The following ZC3H12A variants were observed in gnomAD, a reference collection of about 807,000 sequenced individuals.
ZC3H12A encodes zinc finger CCCH-type containing 12A, also known as endoribonuclease ZC3H12A.
In ZC3H12A, 9 loss-of-function variants were observed where a neutral mutation model predicts 29.9. The ratio of observed to expected loss-of-function variants is 0.30; its 90% CI spans 0.18 to 0.53. The LOEUF (loss-of-function observed/expected upper bound fraction) is 0.53. Among genes scored for constraint, ZC3H12A ranks in the 20% least tolerant of loss-of-function variants. ZC3H12A has a pLI of 0.96. For missense variants in ZC3H12A, 617 were observed against 799.0 expected (o/e 0.77, Z 2.75); for synonymous variants, 323 against 338.1 (o/e 0.96, Z 0.49).
Position 37,478,629 on chromosome 1 carries a change from T to TAGTG in ZC3H12A, c.444-1659_444-1656dup, listed in dbSNP as rs1348360031. On this transcript the variant is annotated intron_variant, in intron 2 of 5. Coordinates refer to ENST00000373087, the MANE Select transcript of ZC3H12A (RefSeq NM_025079.3). This position sits in a 1 kb window ranked among gnomAD's most constrained non-coding sequence, Gnocchi z 5.2. ...CCTGCCTGAGCATTGACGTACAGGG[T>TAGTG]AGTGATAAGCATAGGCCCTGGGCTT... Among the ~76,000 whole-genome samples, 1 of 152,138 alleles carries TAGTG rather than the reference T, an allele frequency of 6.6e-6. No individual in the cohort carries two copies. The highest frequency in any genetic ancestry group is 2.4e-5 in the African/African-American group (1 of 41,430).
chr1:37,480,458 T>A, intron 3 of ZC3H12A, 29 bp downstream of exon 3: 1 of 1,600,492 alleles, frequency 6.2e-7, no homozygotes. Context: ...GGTGGGATGG[T>A]CTTACTGCCC....
chr1:37,482,285 T>A (rs770064618), intron 4 of ZC3H12A, 149 bp from the exon 5 acceptor site: 1 of 659,684 alleles, frequency 1.5e-6, no homozygotes, highest in Non-Finnish European at 2.6e-6. Flanking sequence ...ATCCCACCCA[T>A]AGAGCAGTTT....
chr1:37,481,486 C>G (rs946373002), intron 3 of ZC3H12A, 115 bp from the exon 4 acceptor site: 1 of 971,532 alleles, frequency 1.0e-6, no homozygotes, highest in African/African-American at 1.6e-5. Context: ...GTTCTTGCCC[C>G]GGTGACCTTG....
rs753279374 is a variant in ZC3H12A at position 37,483,172 on chromosome 1, G to C, written c.1361G>C (p.Arg454Pro). ...ESQMSELWGV[R>P]GGGPGEPGPP... ...CAGATGTCGGAACTTTGGGGGGTTC[G>C]AGGAGGAGGCCCTGGTGAGCCGGGC... The change falls in exon 6 of 6, where the codon CGA becomes CCA. Residue 454 changes from arginine (R) to proline (P), a missense_variant. Physicochemically the swap from Arg to Pro is moderately radical, Grantham distance 103. This residue lies in a region of ZC3H12A where 172 missense variants were observed against 203.1 expected (regional missense o/e 0.85). Coordinates refer to ENST00000373087, the MANE Select transcript of ZC3H12A (RefSeq NM_025079.3). 1.9e-6 allele frequency: 3 copies of C among 1,613,348 alleles called. No individual in the cohort carries two copies. Among genetic ancestry groups the C allele is most frequent in the Non-Finnish European group, 2.5e-6 (3 of 1,179,914 alleles).
At position 37,479,610 on chromosome 1, in the gene ZC3H12A, GA is replaced by G. The variant is rs371699838; in HGVS notation, c.444-677del. 1.2e-3 allele frequency: 1,146 copies of G among 985,432 alleles called. 16 individuals carry two copies. In the African/African-American group the frequency reaches 0.019, roughly 16 times the overall value. The allele number at this position is 985,432 out of a possible 1,614,324, so 61.0% of individuals were successfully genotyped here. A position where few individuals can be genotyped will look rare whatever the true frequency, so the allele number is the denominator to read the frequency against. The stretch of plus-strand genomic sequence containing the variant: ...AGCAGTATCCTTTCACTTTCAGACT[GA>G]AAGGCTCCTGGGGAACTTGCTTCAC... On this transcript the variant is annotated intron_variant, in intron 2 of 5. Transcript: ENST00000373087. The surrounding 1 kb of genome is among the most constrained non-coding windows in gnomAD (Gnocchi z 4.5).
At position 37,481,744 on chromosome 1, in the gene ZC3H12A, A is replaced by G; in HGVS notation, c.727A>G (p.Asn243Asp). Residue 243 changes from asparagine (N) to aspartate (D), a missense_variant, in exon 4 of 6, where the codon AAC (asparagine) becomes GAC (aspartate). Coordinates refer to ENST00000373087, the MANE Select transcript of ZC3H12A (RefSeq NM_025079.3). ...CGAGTCTGACGGGATCGTGGTTTCC[A>G]ACGACACATACCGTGACCTCCAAGG... ...AYESDGIVVSNDTYRDLQGER... is the reference protein window; with the variant it reads ...AYESDGIVVSDDTYRDLQGER... 6.2e-7 allele frequency: 1 copy of G among 1,614,252 alleles called. No homozygotes were observed. The highest frequency in any genetic ancestry group is 8.5e-7 in the Non-Finnish European group (1 of 1,180,040).
At chr1:37,482,207 G>C (rs569564843) in intron 4 of ZC3H12A, 10 of 593,920 alleles carry the variant, frequency 1.7e-5, no homozygotes, top group East Asian at 2.8e-5. Context: ...CAGAGAGGGA[G>C]TTCCCCTAAA....
intron 5 of ZC3H12A, 43 bp from the exon 6 acceptor site, chr1:37,482,694 C>G: frequency 6.2e-7 from 1 of 1,612,562 alleles, no homozygotes; most frequent in Non-Finnish European, 8.5e-7. Context: ...ATCCCTGGTT[C>G]TGAAGTGCCC....
At position 37,475,561 on chromosome 1, in the gene ZC3H12A, T is replaced by A; in HGVS notation, c.65T>A (p.Phe22Tyr). The change falls in exon 2 of 6, where the codon TTT becomes TAT. Residue 22 changes from phenylalanine to tyrosine, a missense_variant. This residue lies in a region of ZC3H12A where 67 missense variants were observed against 56.2 expected (regional missense o/e 1.19). Coordinates refer to ENST00000373087, the MANE Select transcript of ZC3H12A (RefSeq NM_025079.3). This position sits in a 1 kb window ranked among gnomAD's most constrained non-coding sequence, Gnocchi z 5.2. Reference sequence around the variant, plus strand: ...AGCCCCACCATGAGTCTGTGGGAATTTGAGGACAGCCACAGCCGTCAGGGC... The same window carrying A: ...AGCCCCACCATGAGTCTGTGGGAATATGAGGACAGCCACAGCCGTCAGGGC... ...EASPTMSLWE[F>Y]EDSHSRQGTP... The A allele has an allele frequency of 6.2e-7, 1 of 1,613,698 alleles. No homozygotes were observed. Among genetic ancestry groups the A allele is most frequent in the South Asian group, 1.1e-5 (1 of 91,056 alleles).
intron 3 of ZC3H12A, 53 bp from the exon 4 acceptor site, chr1:37,481,548 C>A: frequency 6.3e-7 from 1 of 1,587,942 alleles, no homozygotes; most frequent in African/African-American, 1.4e-5. Context: ...GCCCTGTAGG[C>A]CTGGCTCTAG....
chr1:37,475,519 A>C lies in ZC3H12A; in HGVS notation c.23A>C (p.Lys8Thr). 6.2e-7 allele frequency: 1 copy of C among 1,610,942 alleles called. No homozygotes were observed. The highest frequency in any genetic ancestry group is 8.5e-7 in the Non-Finnish European group (1 of 1,178,662). The change falls in exon 2 of 6, where the codon AAG (lysine) becomes ACG (threonine). Residue 8 changes from lysine (K) to threonine (T), a missense_variant. By Grantham distance (78) the Lys-to-Thr change is moderately conservative. This residue lies in a region of ZC3H12A where 67 missense variants were observed against 56.2 expected (regional missense o/e 1.19). Transcript: ENST00000373087. The surrounding 1 kb of genome is among the most constrained non-coding windows in gnomAD (Gnocchi z 5.2). MSGPCGEKPVLEASPTMS... is the reference protein window; with the variant it reads MSGPCGETPVLEASPTMS... ...GCTATGAGTGGCCCCTGTGGAGAGA[A>C]GCCTGTCCTGGAAGCCAGCCCCACC...
At chr1:37,482,146 C>T (rs548040417) in intron 4 of ZC3H12A, among the ~76,000 whole-genome samples, 3 of 152,308 alleles carry the variant, frequency 2.0e-5, no homozygotes, top group Admixed American at 6.5e-5. Context: ...TGGCATCTCT[C>T]GAGCAGAGGC....
chr1:37,482,446 T>C lies in ZC3H12A; in HGVS notation c.831T>C (p.Pro277=). 6.2e-7 allele frequency: 1 copy of C among 1,613,376 alleles called. No individual in the cohort carries two copies. Reference sequence around the variant, plus strand: ...GCACCCTCTGCAGGTTTATGCCCCCTGATGACCCACTGGGCCGGCACGGGC... The same window carrying C: ...GCACCCTCTGCAGGTTTATGCCCCCCGATGACCCACTGGGCCGGCACGGGC... The part of the protein sequence containing the change: ...YSFVNDKFMP[P]DDPLGRHGPS... Residue 277 remains proline (P), a synonymous_variant, in exon 5 of 6, where the codon CCT becomes CCC. Transcript: ENST00000373087.
In ZC3H12A at chr1:37,478,860, C is replaced by T. The variant is rs1641643612; in HGVS notation, c.444-1430C>T. 1.3e-5 allele frequency: 13 copies of T among 985,296 alleles called. No homozygotes were observed. In the South Asian group the frequency reaches 5.2e-4, roughly 39 times the overall value. 61.0% of individuals were successfully genotyped at this position (985,296 alleles called of 1,614,324 possible). ...AATGGGAACTTTTATTATAAGCAGG[C>T]TGGCAGATGTGGCAGAGGGACCGGG... On this transcript the variant is annotated intron_variant, in intron 2 of 5. Transcript: ENST00000373087. The surrounding 1 kb of genome is among the most constrained non-coding windows in gnomAD (Gnocchi z 5.2).
Position 37,475,685 on chromosome 1 carries a change from G to A in ZC3H12A, c.189G>A (p.Thr63=), listed in dbSNP as rs776031528. 31 of 1,613,998 alleles carry A rather than the reference G, an allele frequency of 1.9e-5. 1 individual carries two copies. The Admixed American group carries it at 2.7e-4, about 14-fold the overall frequency. The change falls in exon 2 of 6, where the codon ACG becomes ACA. Residue 63 remains threonine, a synonymous_variant. Transcript: ENST00000373087. This position sits in a 1 kb window ranked among gnomAD's most constrained non-coding sequence, Gnocchi z 5.2. ...TCCGGAAGCTGGGCTATTCATCCAC[G>A]GAGATCCACAGCGTCCTGCAGAAGC... is the stretch of plus-strand genomic sequence containing the variant. ...DFFRKLGYSS[T]EIHSVLQKLG...
At position 37,483,267 on chromosome 1, in the gene ZC3H12A, G is replaced by A; in HGVS notation, c.1456G>A (p.Ala486Thr). ...SELPATAAFSAFGRAMGAGHF... is the reference protein window; with the variant it reads ...SELPATAAFSTFGRAMGAGHF... ...GCTCCCAGCCACCGCAGCCTTCTCT[G>A]CCTTTGGCCGGGCCATGGGTGCTGG... Residue 486 changes from alanine to threonine, a missense_variant, in exon 6 of 6, where the codon GCC (alanine) becomes ACC (threonine). Physicochemically the swap from Ala to Thr is moderately conservative, Grantham distance 58. This residue lies in a region of ZC3H12A where 172 missense variants were observed against 203.1 expected (regional missense o/e 0.85). Transcript: ENST00000373087. The A allele has an allele frequency of 6.2e-7, 1 of 1,614,036 alleles. No homozygotes were observed. Among genetic ancestry groups the A allele is most frequent in the East Asian group, 2.2e-5 (1 of 44,872 alleles).
At position 37,479,639 on chromosome 1, in the gene ZC3H12A, C is replaced by G; in HGVS notation, c.444-651C>G. On this transcript the variant is annotated intron_variant, in intron 2 of 5. Coordinates refer to ENST00000373087, the MANE Select transcript of ZC3H12A (RefSeq NM_025079.3). This position sits in a 1 kb window ranked among gnomAD's most constrained non-coding sequence, Gnocchi z 4.5. ...GGCTCCTGGGGAACTTGCTTCACTC[C>G]GGCGCTTTCTGTCCCATGCTGAAGG... 1.0e-6 allele frequency: 1 copy of G among 985,418 alleles called. No individual in the cohort carries two copies. The highest frequency in any genetic ancestry group is 1.2e-6 in the Non-Finnish European group (1 of 829,914). The allele number at this position is 985,418 out of a possible 1,614,324, so 61.0% of individuals were successfully genotyped here. A position where few individuals can be genotyped will look rare whatever the true frequency, so the allele number is the denominator to read the frequency against.
At chr1:37,474,793 A>G (rs556434569) in intron 1 of ZC3H12A, among the ~76,000 whole-genome samples, 164 bp downstream of exon 1, 3 of 152,150 alleles carry the variant, frequency 2.0e-5, no homozygotes, top group African/African-American at 7.2e-5. Flanking sequence ...GCCGGGCCTC[A>G]GGACCCCTCC....
chr1:37,475,392 A>T lies in ZC3H12A; in HGVS notation c.-38-67A>T. 1 of 1,231,140 alleles carries T rather than the reference A, an allele frequency of 8.1e-7. No individual in the cohort carries two copies. The highest frequency in any genetic ancestry group is 1.5e-5 in the African/African-American group (1 of 66,412). 76.3% of individuals were successfully genotyped at this position (1,231,140 alleles called of 1,614,324 possible). A position where few individuals can be genotyped will look rare whatever the true frequency, so the allele number is the denominator to read the frequency against. On this transcript the variant is annotated intron_variant, in intron 1 of 5. Coordinates refer to ENST00000373087, the MANE Select transcript of ZC3H12A (RefSeq NM_025079.3). This position sits in a 1 kb window ranked among gnomAD's most constrained non-coding sequence, Gnocchi z 5.2. The stretch of plus-strand genomic sequence containing the variant: ...TGCCACCAATCCCTCATCCTGCTGG[A>T]TGTGGTTTTGGGAGGGAGGTTAGGA...
Sources: allele counts gnomAD v4.1 joint callset (sites outside exome capture counted in the v4.1 genomes callset), GRCh38; gene constraint gnomAD v4.1.1; regional missense constraint gnomAD v4.1.1; non-coding constraint Gnocchi (gnomAD v3.1); transcripts MANE v1.5; gene names NCBI Gene and HGNC (gene_info 2026-07-23, HGNC 2026-07-21).